The following SFT2D2 variants were observed in gnomAD, a reference collection of about 807,000 sequenced individuals.
SFT2D2 encodes vesicle transport protein SFT2B.
Under a neutral mutation model 27.4 loss-of-function variants are expected in SFT2D2, and 21 were observed. The observed-to-expected ratio is 0.77, with a 90% CI of 0.54 to 1.10. The LOEUF (loss-of-function observed/expected upper bound fraction) is 1.10, where lower values mean the gene tolerates loss of function less well. SFT2D2 is among the 50% of genes least tolerant of loss of function. SFT2D2 has a pLI of 0.00. For missense variants in SFT2D2, 187 were observed against 194.2 expected, an observed-to-expected ratio of 0.96 and a Z score of 0.22; for synonymous variants, 72 against 71.7, an observed-to-expected ratio of 1.00 and a Z score of -0.02.
rs1380527351 is a variant in SFT2D2 at position 168,226,151 on chromosome 1, G to A, written c.63+9G>A. On this transcript the variant is annotated intron_variant, in intron 1 of 7. Coordinates refer to ENST00000271375, the MANE Select transcript of SFT2D2 (RefSeq NM_199344.3). The stretch of plus-strand genomic sequence containing the variant: ...GGAGCGGCCTGTCCGAGGTGAGTGA[G>A]CCCGGGGCCGTCGGCCCCCTCTCGC... The A allele has an allele frequency of 6.5e-7, 1 of 1,528,232 alleles. No homozygotes were observed. The highest frequency in any genetic ancestry group is 8.8e-7 in the Non-Finnish European group (1 of 1,136,986). 94.7% of individuals were successfully genotyped at this position (1,528,232 alleles called of 1,614,324 possible). A position where few individuals can be genotyped will look rare whatever the true frequency, so the allele number is the denominator to read the frequency against.
At chr1:168,238,841 G>A (rs1647574479) in intron 6 of SFT2D2, among the ~76,000 whole-genome samples, 1 of 152,198 alleles carries the variant, frequency 6.6e-6, no homozygotes, top group Non-Finnish European at 1.5e-5. Flanking sequence ...GCTAGTTCAA[G>A]GTTATAGCAG....
rs1035839878 is a variant in SFT2D2 at position 168,252,759 on chromosome 1, A to T, written c.*10219A>T. ...AGCTTTTAAAATACGTTGTTAAAAC[A>T]TGAATCCATTTTTGTAATTGTATAA... On this transcript the variant is annotated 3_prime_UTR_variant, in exon 8 of 8. Coordinates refer to ENST00000271375, the MANE Select transcript of SFT2D2 (RefSeq NM_199344.3). 1 of 152,236 alleles carries T rather than the reference A, an allele frequency of 6.6e-6. No individual in the cohort carries two copies. Among genetic ancestry groups the T allele is most frequent in the African/African-American group, 2.4e-5 (1 of 41,468 alleles). The allele number at this position is 152,236 out of a possible 1,614,324, so 9.4% of individuals were successfully genotyped here.
Position 168,249,926 on chromosome 1 carries a change from A to G in SFT2D2, c.*7386A>G, listed in dbSNP as rs2102337824. 6.6e-6 allele frequency: 1 copy of G among 152,306 alleles called. No homozygotes were observed. 9.4% of individuals were successfully genotyped at this position (152,306 alleles called of 1,614,324 possible). A position where few individuals can be genotyped will look rare whatever the true frequency, so the allele number is the denominator to read the frequency against. On this transcript the variant is annotated 3_prime_UTR_variant, in exon 8 of 8. Transcript: ENST00000271375. ...CCGATCATTAATTTATTTAACAAAT[A>G]CTTATCTAGTACTATGTGCCCGGCG...
chr1:168,241,969 A>G (rs1647654408), intron 7 of SFT2D2, among the ~76,000 whole-genome samples: 2 of 152,160 alleles, frequency 1.3e-5, no homozygotes. Context: ...TGGGTAGAAT[A>G]GTAATTTCTT....
In SFT2D2 at chr1:168,243,862, T is replaced by C. The variant is rs951136904; in HGVS notation, c.*1322T>C. On this transcript the variant is annotated 3_prime_UTR_variant, in exon 8 of 8. Transcript: ENST00000271375. Reference sequence around the variant, plus strand: ...CCTGGCCCTCCCTGCCCATCTCTTTTGGAAGCTTCTTCCTGGATCTGCAGG... The same window carrying C: ...CCTGGCCCTCCCTGCCCATCTCTTTCGGAAGCTTCTTCCTGGATCTGCAGG... 1 of 152,832 alleles carries C rather than the reference T, an allele frequency of 6.5e-6. No individual in the cohort carries two copies. Among genetic ancestry groups the C allele is most frequent in the African/African-American group, 2.4e-5 (1 of 41,448 alleles). 9.5% of individuals were successfully genotyped at this position (152,832 alleles called of 1,614,324 possible).
In SFT2D2 at chr1:168,242,596, A is replaced by C; in HGVS notation, c.*56A>C. ...GCACTATGGACAGAAGCTGGTGGAC[A>C]GTTTTGTAACTATCTTCGAAACCTC... is the stretch of plus-strand genomic sequence containing the variant. On this transcript the variant is annotated 3_prime_UTR_variant, in exon 8 of 8. Transcript: ENST00000271375. The C allele has an allele frequency of 6.2e-7, 1 of 1,602,478 alleles. No homozygotes were observed. The highest frequency in any genetic ancestry group is 8.6e-7 in the Non-Finnish European group (1 of 1,169,430).
intron 6 of SFT2D2, among the ~76,000 whole-genome samples, chr1:168,237,874 T>TA (rs1369249532): frequency 9.6e-6 from 1 of 103,852 alleles, no homozygotes; most frequent in Non-Finnish European, 2.3e-5. Context: ...TTTTTTTTTT[T>TA]TAAATGACAT....
Position 168,250,036 on chromosome 1 carries a change from A to G in SFT2D2, c.*7496A>G, listed in dbSNP as rs1647915189. The G allele has an allele frequency of 6.6e-6, 1 of 152,176 alleles. No individual in the cohort carries two copies. The allele number at this position is 152,176 out of a possible 1,614,324, so 9.4% of individuals were successfully genotyped here. On this transcript the variant is annotated 3_prime_UTR_variant, in exon 8 of 8. Transcript: ENST00000271375. ...TATTGCCTCCATCCTCTGAGAAGGTAAAGAGCCTATCCCAGACCCCACGAG... is the reference window on the plus strand; with the variant it reads ...TATTGCCTCCATCCTCTGAGAAGGTGAAGAGCCTATCCCAGACCCCACGAG...
At position 168,251,593 on chromosome 1, in the gene SFT2D2, G is replaced by T. The variant is rs748124095; in HGVS notation, c.*9053G>T. 1 of 152,012 alleles carries T rather than the reference G, an allele frequency of 6.6e-6. No homozygotes were observed. The highest frequency in any genetic ancestry group is 1.5e-5 in the Non-Finnish European group (1 of 68,008). 9.4% of individuals were successfully genotyped at this position (152,012 alleles called of 1,614,324 possible). ...AGAGTCGACGGTAGGATTATAAATGGTTTAAAATACGTATTCTCAAACCTC... is the reference window on the plus strand; with the variant it reads ...AGAGTCGACGGTAGGATTATAAATGTTTTAAAATACGTATTCTCAAACCTC... On this transcript the variant is annotated 3_prime_UTR_variant, in exon 8 of 8. Transcript: ENST00000271375.
intron 6 of SFT2D2, among the ~76,000 whole-genome samples, chr1:168,238,052 T>C (rs1412170634): frequency 6.6e-6 from 1 of 152,184 alleles, no homozygotes; most frequent in Non-Finnish European, 1.5e-5. Context: ...TCAACACTCA[T>C]GTGTTCTGAC....
intron 3 of SFT2D2, among the ~76,000 whole-genome samples, chr1:168,233,356 C>G (rs1284221717): frequency 4.6e-5 from 7 of 152,174 alleles, no homozygotes; most frequent in Non-Finnish European, 8.8e-5. Context: ...CCTTTGGACT[C>G]TCAGTATCAC....
rs148619520 is a variant in SFT2D2, at chr1:168,226,097, G to A, written c.18G>A (p.Lys6=). ...GGGCCGCAATGGACAAGCTGAAGAA[G>A]GTGCTGAGCGGGCAGGACACGGAGG... MDKLK[K]VLSGQDTEDR... is the part of the protein sequence containing the mutation. The change falls in exon 1 of 8, where the codon AAG becomes AAA. Residue 6 remains lysine, a synonymous_variant. Transcript: ENST00000271375. The A allele has an allele frequency of 6.5e-7, 1 of 1,534,706 alleles. No homozygotes were observed. The highest frequency in any genetic ancestry group is 1.4e-5 in the African/African-American group (1 of 71,634).
At position 168,242,668 on chromosome 1, in the gene SFT2D2, T is replaced by C. The variant is rs1647680558; in HGVS notation, c.*128T>C. The C allele has an allele frequency of 8.8e-7, 1 of 1,133,346 alleles. No homozygotes were observed. The highest frequency in any genetic ancestry group is 1.3e-6 in the Non-Finnish European group (1 of 749,404). 70.2% of individuals were successfully genotyped at this position (1,133,346 alleles called of 1,614,324 possible). The stretch of plus-strand genomic sequence containing the variant: ...TTATCTTGCAGCAATGTGTTGCTTG[T>C]GATTCGAACATTTGAGGGTTACTTT... On this transcript the variant is annotated 3_prime_UTR_variant, in exon 8 of 8. Coordinates refer to ENST00000271375, the MANE Select transcript of SFT2D2 (RefSeq NM_199344.3).
intron 3 of SFT2D2, among the ~76,000 whole-genome samples, chr1:168,234,122 G>A (rs542863966): frequency 4.3e-4 from 66 of 152,108 alleles, no homozygotes; most frequent in Non-Finnish European, 7.2e-4. Flanking sequence ...TGGGGGCCAG[G>A]CGCAGTGGCT....
chr1:168,234,960 A>G (rs1404222876), intron 3 of SFT2D2, 141 bp from the exon 4 acceptor site: 5 of 744,530 alleles, frequency 6.7e-6, no homozygotes, highest in Admixed American at 6.3e-5. Flanking sequence ...AGAAAAATGC[A>G]CGAAAGGCCC....
chr1:168,242,374 A>G (rs926880506), intron 7 of SFT2D2, 127 bp from the exon 8 acceptor site: 5 of 960,702 alleles, frequency 5.2e-6, no homozygotes, highest in Non-Finnish European at 8.4e-6. Flanking sequence ...CTGCAGTTTG[A>G]TGCTGTGAAG....
intron 1 of SFT2D2, among the ~76,000 whole-genome samples, chr1:168,228,207 C>A (rs1700481245): frequency 2.0e-5 from 3 of 152,162 alleles, no homozygotes; most frequent in African/African-American, 4.8e-5. Context: ...TTAGTGTTTA[C>A]TGATTAGGTC....
At chr1:168,229,526 G>A (rs1700492682) in intron 1 of SFT2D2, 1 of 152,324 alleles carries the variant, frequency 6.6e-6, no homozygotes, top group Admixed American at 6.5e-5. Flanking sequence ...CTGCTGACAA[G>A]CCAGTCCAAT....
At chr1:168,240,353 G>T (rs1647614953) in intron 7 of SFT2D2, among the ~76,000 whole-genome samples, 1 of 152,096 alleles carries the variant, frequency 6.6e-6, no homozygotes, top group African/African-American at 2.4e-5. Flanking sequence ...CAGCTGAGTG[G>T]CTTTGTTGAT....
Sources: gnomAD v4.1 joint callset for allele counts (sites outside exome capture counted in the v4.1 genomes callset) on GRCh38, gnomAD v4.1.1 for gene constraint, MANE v1.5 for transcripts, NCBI Gene and HGNC (gene_info 2026-07-23, HGNC 2026-07-21) for gene names.